Variants in NXN observed in about 807,000 individuals in gnomAD.
NXN encodes nucleoredoxin 1.
NXN carries 16 observed loss-of-function variants against 48.6 expected under a neutral mutation model. That is an observed-to-expected ratio of 0.33 (90% CI 0.22 to 0.50). The LOEUF (loss-of-function observed/expected upper bound fraction) is 0.50. Ranked by LOEUF, NXN falls within the 20% of genes least tolerant of loss-of-function variation. The pLI is 0.98. For missense variants in NXN, 492 were observed against 605.5 expected, an observed-to-expected ratio of 0.81 and a Z score of 1.97; for synonymous variants, 281 against 269.6, an observed-to-expected ratio of 1.04 and a Z score of -0.41.
At chr17:804,988 G>A in intron 6 of NXN, 80 bp downstream of exon 6, 1 of 1,434,362 alleles carries the variant, frequency 7.0e-7, no homozygotes, top group Non-Finnish European at 9.6e-7. Flanking sequence ...GAAGCGGCAG[G>A]GACAGGCTCC....
intron 1 of NXN, among the ~76,000 whole-genome samples, chr17:850,434 G>A (rs1939681489): frequency 6.6e-6 from 1 of 152,242 alleles, no homozygotes; most frequent in South Asian, 2.1e-4. Flanking sequence ...TCACATGTGT[G>A]TGGACATGAG....
chr17:969,873 T>C (rs972834319), intron 1 of NXN, among the ~76,000 whole-genome samples: 1 of 152,082 alleles, frequency 6.6e-6, no homozygotes, highest in Non-Finnish European at 1.5e-5. Flanking sequence ...CACCACACCC[T>C]GTTTGGTGAC....
rs2068742691 is a variant in NXN, at chr17:920,787, A to C, written c.360+58532T>G. On this transcript the variant is annotated intron_variant, in intron 1 of 7. Coordinates refer to ENST00000336868, the MANE Select transcript of NXN (RefSeq NM_022463.5). This position sits in a 1 kb window ranked among gnomAD's most constrained non-coding sequence, Gnocchi z 4.6. ...GCCCAGGCTGGAGTGCAGTGGTGGG[A>C]TCTCGGCTCGCTGCAACCTCTGCCT... Among the ~76,000 whole-genome samples, 1 of 146,720 alleles carries C rather than the reference A, an allele frequency of 6.8e-6. No individual in the cohort carries two copies. The highest frequency in any genetic ancestry group is 2.2e-4 in the South Asian group (1 of 4,618).
intron 1 of NXN, among the ~76,000 whole-genome samples, chr17:886,337 A>C (rs1030436296): frequency 6.6e-6 from 1 of 152,168 alleles, no homozygotes; most frequent in Non-Finnish European, 1.5e-5. Flanking sequence ...CTAACATCCA[A>C]GCTGGACTAA....
intron 5 of NXN, among the ~76,000 whole-genome samples, chr17:815,093 T>C (rs920280172): frequency 5.3e-5 from 8 of 152,234 alleles, no homozygotes; most frequent in Non-Finnish European, 1.2e-4. Context: ...CTGAGTCTTC[T>C]AGGTGCTAAA....
At chr17:858,418 C>T (rs1038082631) in intron 1 of NXN, among the ~76,000 whole-genome samples, 4 of 152,054 alleles carry the variant, frequency 2.6e-5, no homozygotes, top group South Asian at 2.1e-4. Context: ...TGATACTGGA[C>T]GGCTGAGCTA....
At chr17:841,649 AGCGCATCTCACGCCGGC>A (rs1914308305) in intron 1 of NXN, among the ~76,000 whole-genome samples, 1 of 33,718 alleles carries the variant, frequency 3.0e-5, no homozygotes, top group African/African-American at 1.6e-4. Flanking sequence ...CCCTGACCAC[AGCGCATCTCACGCCGGC>A]GAGCAGGTCC....
In NXN at chr17:920,516, A is replaced by G. The variant is rs1473610175; in HGVS notation, c.360+58803T>C. Among the ~76,000 whole-genome samples, 1 of 151,054 alleles carries G rather than the reference A, an allele frequency of 6.6e-6. No individual in the cohort carries two copies. Among genetic ancestry groups the G allele is most frequent in the African/African-American group, 2.4e-5 (1 of 41,030 alleles). ...CCAAGTGACCAGCCCTCACCAGCTCACTCCAGCTCTGCAGCGTTCTCCCAG... is the reference window on the plus strand; with the variant it reads ...CCAAGTGACCAGCCCTCACCAGCTCGCTCCAGCTCTGCAGCGTTCTCCCAG... On this transcript the variant is annotated intron_variant, in intron 1 of 7. Coordinates refer to ENST00000336868, the MANE Select transcript of NXN (RefSeq NM_022463.5). This position sits in a 1 kb window ranked among gnomAD's most constrained non-coding sequence, Gnocchi z 4.6.
chr17:937,453 G>A (rs923628451), intron 1 of NXN, among the ~76,000 whole-genome samples: 6 of 152,144 alleles, frequency 3.9e-5, no homozygotes, highest in African/African-American at 9.7e-5. Flanking sequence ...TCCGTACACA[G>A]TGAGAACCAA....
intron 1 of NXN, among the ~76,000 whole-genome samples, chr17:840,106 AAAGAG>A (rs1470769018): frequency 7.2e-6 from 1 of 137,974 alleles, no homozygotes; most frequent in Non-Finnish European, 1.6e-5. Flanking sequence ...AAAAAAAAAA[AAAGAG>A]AGAGAGAGAG....
chr17:969,773 C>A (rs894652279), intron 1 of NXN, among the ~76,000 whole-genome samples: 4 of 151,858 alleles, frequency 2.6e-5, no homozygotes, highest in East Asian at 1.9e-4. Context: ...CAAAAAAAGA[C>A]AAATTAAAAA....
intron 5 of NXN, among the ~76,000 whole-genome samples, chr17:810,530 C>A (rs1013713903): frequency 1.3e-5 from 2 of 152,192 alleles, no homozygotes; most frequent in Non-Finnish European, 2.9e-5. Flanking sequence ...TGCCCAGAAT[C>A]TGTTCCTCGG....
chr17:940,026 C>T (rs1035868824), intron 1 of NXN, among the ~76,000 whole-genome samples: 11 of 151,840 alleles, frequency 7.2e-5, no homozygotes, highest in African/African-American at 1.5e-4. Flanking sequence ...CTCAAACTGC[C>T]GGGATCAAGT....
chr17:886,956 G>C (rs1007300493), intron 1 of NXN, among the ~76,000 whole-genome samples: 2 of 151,956 alleles, frequency 1.3e-5, no homozygotes, highest in African/African-American at 2.4e-5. Context: ...TTCAGATCCA[G>C]GCTGGAGTGC....
chr17:811,953 AG>A lies in NXN; in HGVS notation c.821-6707del, dbSNP rs1386288077. ...TTTTTTTTTTTTTTTTTTGAGACGG[AG>A]TCTCGCTCTGTCGCCCAGGCTGGAG... On this transcript the variant is annotated intron_variant, in intron 5 of 7. Transcript: ENST00000336868. Among the ~76,000 whole-genome samples the A allele has an allele frequency of 1.1e-4, 11 of 102,538 alleles. No individual in the cohort carries two copies. In the East Asian group the frequency reaches 3.6e-3, roughly 33 times the overall value. 67.3% of individuals were successfully genotyped at this position (102,538 alleles called of 152,430 possible). A position where few individuals can be genotyped will look rare whatever the true frequency, so the allele number is the denominator to read the frequency against.
At chr17:814,932 A>T (rs371151013) in intron 5 of NXN, among the ~76,000 whole-genome samples, 7 of 152,134 alleles carry the variant, frequency 4.6e-5, no homozygotes, top group East Asian at 1.9e-4. Flanking sequence ...CGCCTGGCTA[A>T]TTTTTGTATT....
At chr17:845,339 T>C (rs1313658936) in intron 1 of NXN, among the ~76,000 whole-genome samples, 1 of 151,400 alleles carries the variant, frequency 6.6e-6, no homozygotes, top group African/African-American at 2.4e-5. Flanking sequence ...GGACTCAACA[T>C]CCAAGAGAGA....
At chr17:869,590 T>C (rs2068130183) in intron 1 of NXN, among the ~76,000 whole-genome samples, 2 of 152,254 alleles carry the variant, frequency 1.3e-5, no homozygotes. Flanking sequence ...TTTAGAAAGA[T>C]ACTGTAAGAA....
At chr17:910,648 G>A (rs2068627405) in intron 1 of NXN, 1 of 152,042 alleles carries the variant, frequency 6.6e-6, no homozygotes, top group Non-Finnish European at 1.5e-5. Context: ...CAGCATTATT[G>A]CTCCAATGAA....
Sources: allele counts gnomAD v4.1 joint callset (sites outside exome capture counted in the v4.1 genomes callset), GRCh38; gene constraint gnomAD v4.1.1; non-coding constraint Gnocchi (gnomAD v3.1); transcripts MANE v1.5; gene names NCBI Gene and HGNC (gene_info 2026-07-23, HGNC 2026-07-21).